The following PDS5A variants were observed in gnomAD, a reference collection of about 807,000 sequenced individuals.
The protein encoded by PDS5A is PDS5 cohesin associated factor A, also known as sister chromatid cohesion protein PDS5 homolog A.
PDS5A carries 42 observed loss-of-function variants against 167.1 expected under a neutral mutation model. The ratio of observed to expected loss-of-function variants is 0.25; its 90% CI spans 0.20 to 0.33. PDS5A has a LOEUF of 0.33. PDS5A is among the 10% of genes least tolerant of loss of function. PDS5A has a pLI of 1.00. For missense variants in PDS5A, 1,033 were observed against 1,605.9 expected (o/e 0.64, Z 6.10); for synonymous variants, 553 against 554.6 (o/e 1.00, Z 0.04).
At chr4:39,867,660 C>T (rs1388921824) in intron 22 of PDS5A, among the ~76,000 whole-genome samples, 1 of 151,512 alleles carries the variant, frequency 6.6e-6, no homozygotes, top group African/African-American at 2.4e-5. Context: ...GCAGAGGTTG[C>T]AGTGAGCTGA....
chr4:39,838,664 A>C (rs1716661946), intron 31 of PDS5A, among the ~76,000 whole-genome samples: 1 of 152,108 alleles, frequency 6.6e-6, no homozygotes, highest in African/African-American at 2.4e-5. Flanking sequence ...TTGAGGCTAC[A>C]GTAAGCAGAG....
intron 7 of PDS5A, 64 bp from the exon 8 acceptor site, chr4:39,917,252 T>C: frequency 9.4e-7 from 1 of 1,061,044 alleles, no homozygotes; most frequent in Non-Finnish European, 1.3e-6. Flanking sequence ...GATACATTTT[T>C]AATAAACATT....
At chr4:39,890,945 T>C (rs1721906259) in intron 16 of PDS5A, among the ~76,000 whole-genome samples, 1 of 152,034 alleles carries the variant, frequency 6.6e-6, no homozygotes, top group African/African-American at 2.4e-5. Flanking sequence ...ATACTCTAAT[T>C]TAGAATAAAA....
chr4:39,857,119 A>T (rs954237985), intron 26 of PDS5A, among the ~76,000 whole-genome samples: 2 of 152,106 alleles, frequency 1.3e-5, no homozygotes, highest in Admixed American at 1.3e-4. Context: ...TTGGGAAGCC[A>T]AGGCAGGTGG....
At chr4:39,969,306 T>C (rs1319690474) in intron 2 of PDS5A, among the ~76,000 whole-genome samples, 2 of 152,222 alleles carry the variant, frequency 1.3e-5, no homozygotes, top group East Asian at 1.9e-4. Flanking sequence ...ACCTCTGAAC[T>C]ACCTGTTGAC....
At chr4:39,937,069 CCT>C (rs1726690324) in intron 2 of PDS5A, among the ~76,000 whole-genome samples, 1 of 152,124 alleles carries the variant, frequency 6.6e-6, no homozygotes, top group African/African-American at 2.4e-5. Flanking sequence ...ACTAACCTCC[CCT>C]GAGCTTTAGT....
chr4:39,894,407 CA>C (rs11425039), intron 16 of PDS5A, among the ~76,000 whole-genome samples: 28 of 143,010 alleles, frequency 2.0e-4, no homozygotes, highest in Admixed American at 2.8e-4. Context: ...GACCCTATCT[CA>C]AAAAAAAAAG....
At chr4:39,890,837 G>A (rs1196926515) in intron 16 of PDS5A, among the ~76,000 whole-genome samples, 3 of 151,888 alleles carry the variant, frequency 2.0e-5, no homozygotes, top group Admixed American at 6.6e-5. Flanking sequence ...GGCTGGTCTT[G>A]AACTCCTGAC....
At position 39,824,951 on chromosome 4, in the gene PDS5A, T is replaced by C. The variant is rs1418401010; in HGVS notation, c.*534A>G. On this transcript the variant is annotated 3_prime_UTR_variant, in exon 33 of 33. Transcript: ENST00000303538. Reference sequence around the variant, plus strand: ...AAAAGTAGGCAGGCAGAAAGAATTATACATAAAAGTTTCCAAAAGGAAAAA... The same window carrying C: ...AAAAGTAGGCAGGCAGAAAGAATTACACATAAAAGTTTCCAAAAGGAAAAA... The C allele has an allele frequency of 6.6e-6, 1 of 152,638 alleles. No individual in the cohort carries two copies. Among genetic ancestry groups the C allele is most frequent in the South Asian group, 2.1e-4 (1 of 4,834 alleles). The allele number at this position is 152,638 out of a possible 1,614,324, so 9.5% of individuals were successfully genotyped here.
At chr4:39,937,815 A>G (rs1726771037) in intron 2 of PDS5A, among the ~76,000 whole-genome samples, 1 of 152,256 alleles carries the variant, frequency 6.6e-6, no homozygotes, top group Admixed American at 6.5e-5. Context: ...AGTAGAAGAC[A>G]TACATGCCCA....
chr4:39,834,163 C>A (rs993714294), intron 32 of PDS5A, among the ~76,000 whole-genome samples: 26 of 136,086 alleles, frequency 1.9e-4, no homozygotes, highest in African/African-American at 7.1e-4. Flanking sequence ...CTAGCCTGGG[C>A]AAGAGAGCCA....
At chr4:39,941,737 T>TGCACCTAGATGG (rs1475686999) in intron 2 of PDS5A, among the ~76,000 whole-genome samples, 1 of 152,196 alleles carries the variant, frequency 6.6e-6, no homozygotes, top group East Asian at 1.9e-4. Context: ...GCCTTTTCAT[T>TGCACCTAGATGG]GCACCTAGAT....
chr4:39,916,835 C>T (rs949069185), intron 8 of PDS5A, among the ~76,000 whole-genome samples: 1 of 151,648 alleles, frequency 6.6e-6, no homozygotes, highest in African/African-American at 2.4e-5. Flanking sequence ...CATTGCACTC[C>T]AGCCTGAGCA....
At chr4:39,930,246 A>AAATTT in intron 2 of PDS5A, among the ~76,000 whole-genome samples, 1 of 93,090 alleles carries the variant, frequency 1.1e-5, no homozygotes. Context: ...AAAAAAAAAA[A>AAATTT]GTTTTTTTGT....
intron 17 of PDS5A, 97 bp downstream of exon 17, chr4:39,890,152 A>G (rs895975154): frequency 3.1e-6 from 2 of 638,410 alleles, no homozygotes; most frequent in Non-Finnish European, 2.7e-6. Context: ...AGACATACAG[A>G]GGTTTTCAGG....
intron 2 of PDS5A, among the ~76,000 whole-genome samples, chr4:39,949,702 C>T (rs535613672): frequency 1.7e-4 from 25 of 150,960 alleles, no homozygotes; most frequent in Admixed American, 4.6e-4. Context: ...GGCATGGTGG[C>T]GCACACCCGG....
rs747332523 is a variant in PDS5A, at chr4:39,976,438, A to G, written c.138+2T>C. On this transcript the variant is annotated splice_donor_variant, in intron 2 of 32. Transcript: ENST00000303538. LOFTEE classifies it high-confidence loss of function. ...GACATCAAAATCCGTCCAGACACTT[A>G]CCTTCAGGCGTTTGATCATCTCGTC... The G allele has an allele frequency of 2.4e-5, 38 of 1,611,146 alleles. No homozygotes were observed. The highest frequency in any genetic ancestry group is 3.1e-5 in the Non-Finnish European group (37 of 1,177,660).
At chr4:39,865,679 C>T (rs766147358) in intron 23 of PDS5A, among the ~76,000 whole-genome samples, 2 of 152,190 alleles carry the variant, frequency 1.3e-5, no homozygotes, top group Non-Finnish European at 2.9e-5. Flanking sequence ...GCACGTACCA[C>T]CACACCTGGC....
In PDS5A at chr4:39,862,184, A is replaced by G. The variant is rs574260142; in HGVS notation, c.3086+35T>C. On this transcript the variant is annotated intron_variant, in intron 26 of 32. Coordinates refer to ENST00000303538, the MANE Select transcript of PDS5A (RefSeq NM_001100399.2). ...TTACCATTTTTTGAAAACTAAACAT[A>G]ATTTTTAGAGTTCTTGAAAAACAAC... The G allele has an allele frequency of 5.6e-5, 47 of 832,192 alleles. No homozygotes were observed. In the South Asian group the frequency reaches 8.9e-4, roughly 16 times the overall value. 51.6% of individuals were successfully genotyped at this position (832,192 alleles called of 1,614,324 possible).
Sources: gnomAD v4.1 joint callset for allele counts (sites outside exome capture counted in the v4.1 genomes callset) on GRCh38, gnomAD v4.1.1 for gene constraint, MANE v1.5 for transcripts, NCBI Gene and HGNC (gene_info 2026-07-23, HGNC 2026-07-21) for gene names.